ATAD2: variants seen among roughly 807,000 people sequenced by gnomAD.
The protein encoded by ATAD2 is ATPase family AAA domain containing 2, also known as ATPase family AAA domain-containing protein 2.
ATAD2 carries 62 observed loss-of-function variants against 168.9 expected under a neutral mutation model. The observed-to-expected ratio is 0.37, with a 90% CI of 0.30 to 0.45. ATAD2 has a LOEUF of 0.45. ATAD2 is among the 20% of genes least tolerant of loss of function. The probability of loss-of-function intolerance (pLI) is 1.00; values close to 1 mark genes in which losing one functional copy is unlikely to be tolerated. For synonymous variants in ATAD2, 613 were observed against 571.6 expected (o/e 1.07, Z -1.03); for missense variants, 1,419 against 1,667.8 (o/e 0.85, Z 2.60).
chr8:123,381,870 A>G (rs1829503236), intron 1 of ATAD2, among the ~76,000 whole-genome samples: 1 of 152,164 alleles, frequency 6.6e-6, no homozygotes, highest in African/African-American at 2.4e-5. Context: ...AACATTGTGA[A>G]ACCCCGTCTC....
At chr8:123,335,297 T>C (rs1362393915) in intron 22 of ATAD2, among the ~76,000 whole-genome samples, 2 of 152,216 alleles carry the variant, frequency 1.3e-5, no homozygotes, top group African/African-American at 2.4e-5. Context: ...TGTTCTCATC[T>C]TGTTAGTCTG....
chr8:123,350,341 T>C (rs1474713847), intron 13 of ATAD2, among the ~76,000 whole-genome samples: 1 of 152,222 alleles, frequency 6.6e-6, no homozygotes, highest in Non-Finnish European at 1.5e-5. Flanking sequence ...TGTAAGTACT[T>C]CATGTATGGA....
chr8:123,355,566 T>C (rs1828615343), intron 13 of ATAD2, among the ~76,000 whole-genome samples: 1 of 152,188 alleles, frequency 6.6e-6, no homozygotes, highest in African/African-American at 2.4e-5. Flanking sequence ...AGTATTAGAA[T>C]CCTAAACTAG....
In ATAD2 at chr8:123,328,457, C is replaced by T; in HGVS notation, c.3601G>A (p.Asp1201Asn). The change falls in exon 25 of 28, where the codon GAT becomes AAT. Residue 1201 changes from aspartate (D) to asparagine (N), a missense_variant. Physicochemically the swap from Asp to Asn is conservative, Grantham distance 23 (BLOSUM62 1). Around this residue, in one of 5 missense-constraint regions of ATAD2, gnomAD observed 303 missense variants for 304.3 expected, o/e 1.00. Coordinates refer to ENST00000287394, the MANE Select transcript of ATAD2 (RefSeq NM_014109.4). ...CTTGTGTCTTGAGTTTCCTCTGTAT[C>T]ACTCTCAATTTTGTGATCTATGGCA... ...QNAIDHKIES[D>N]TEETQDTSVD... The T allele has an allele frequency of 6.2e-7, 1 of 1,609,684 alleles. No individual in the cohort carries two copies.
upstream of ATAD2, among the ~76,000 whole-genome samples, chr8:123,397,115 C>T (rs1171484268): frequency 2.0e-5 from 3 of 151,894 alleles, no homozygotes; most frequent in Non-Finnish European, 4.4e-5. Context: ...TTATTCACCT[C>T]CCTGCATTCT....
intron 19 of ATAD2, among the ~76,000 whole-genome samples, chr8:123,342,958 C>T (rs1444083178): frequency 3.3e-5 from 5 of 151,952 alleles, no homozygotes; most frequent in African/African-American, 4.8e-5. Context: ...ACGTTTTCCA[C>T]GTCTTTCCTC....
At chr8:123,336,609 A>G in intron 21 of ATAD2, 77 bp from the exon 22 acceptor site, 1 of 1,089,374 alleles carries the variant, frequency 9.2e-7, no homozygotes, top group African/African-American at 1.6e-5. Context: ...ATGCCAGGCA[A>G]TATAGGAGAT....
At position 123,337,832 on chromosome 8, in the gene ATAD2, A is replaced by G. The variant is rs376052419; in HGVS notation, c.2855-11T>C. ...CCAAAGCCTGCAAAACTTCACATGA[A>G]TGGAAGAATTTAGTTACTGCTCCTC... On this transcript the variant is annotated splice_polypyrimidine_tract_variant and intron_variant, in intron 20 of 27. Coordinates refer to ENST00000287394, the MANE Select transcript of ATAD2 (RefSeq NM_014109.4). 1.9e-6 allele frequency: 3 copies of G among 1,576,966 alleles called. No homozygotes were observed. The highest frequency in any genetic ancestry group is 1.4e-5 in the African/African-American group (1 of 73,096).
intron 1 of ATAD2, among the ~76,000 whole-genome samples, chr8:123,403,946 A>T (rs1813038489): frequency 6.6e-6 from 1 of 152,084 alleles, no homozygotes; most frequent in Non-Finnish European, 1.5e-5. Context: ...AGGGGAGGCT[A>T]TTTTAGCTGG....
chr8:123,415,719 C>G (rs111514545), intron 1 of ATAD2, among the ~76,000 whole-genome samples: 1 of 152,252 alleles, frequency 6.6e-6, no homozygotes, highest in Non-Finnish European at 1.5e-5. Flanking sequence ...CTCAGCCTCC[C>G]GAGTATCTGG....
At chr8:123,371,638 A>G (rs765255826) in intron 4 of ATAD2, 32 bp downstream of exon 4, 2 of 1,565,240 alleles carry the variant, frequency 1.3e-6, no homozygotes, top group South Asian at 1.2e-5. Context: ...TCTGACAGAT[A>G]AATCATCTTG....
intron 18 of ATAD2, among the ~76,000 whole-genome samples, chr8:123,345,865 G>A (rs956659895): frequency 2.0e-5 from 3 of 152,160 alleles, no homozygotes; most frequent in African/African-American, 7.2e-5. Flanking sequence ...GGGAAAATTA[G>A]AGAGATCTAA....
rs752452696 is a variant in ATAD2 at position 123,371,226 on chromosome 8, A to G, written c.639+10T>C. The G allele has an allele frequency of 1.3e-6, 2 of 1,580,644 alleles. No individual in the cohort carries two copies. The highest frequency in any genetic ancestry group is 2.3e-5 in the South Asian group (2 of 85,912). On this transcript the variant is annotated intron_variant, in intron 5 of 27. Transcript: ENST00000287394. Reference sequence around the variant, plus strand: ...ATTAAATCATTCCCTTAATGGAAGAATATATTTACTTCTTCTGTTTCATTA... The same window carrying G: ...ATTAAATCATTCCCTTAATGGAAGAGTATATTTACTTCTTCTGTTTCATTA...
intron 13 of ATAD2, among the ~76,000 whole-genome samples, chr8:123,351,392 T>G (rs1419977448): frequency 6.6e-6 from 1 of 152,176 alleles, no homozygotes; most frequent in African/African-American, 2.4e-5. Context: ...AAATGCTAAG[T>G]AGCTGCCCCC....
upstream of ATAD2, among the ~76,000 whole-genome samples, chr8:123,398,226 CTTTTTTT>C (rs1188897965): frequency 5.9e-5 from 6 of 101,806 alleles, no homozygotes; most frequent in East Asian, 2.6e-4. Flanking sequence ...GGTTCTTGTT[CTTTTTTT>C]TTTTTTTTTT....
At chr8:123,348,125 TTG>T in intron 15 of ATAD2, 56 bp downstream of exon 15, 2 of 1,363,588 alleles carry the variant, frequency 1.5e-6, no homozygotes, top group Non-Finnish European at 2.0e-6. Context: ...CTAATATAAC[TTG>T]TTTCATATTT....
chr8:123,386,025 A>C (rs1439661243), intron 1 of ATAD2, among the ~76,000 whole-genome samples: 1 of 152,018 alleles, frequency 6.6e-6, no homozygotes, highest in African/African-American at 2.4e-5. Flanking sequence ...ACTCACAAAA[A>C]AAAAAAAAAA....
chr8:123,357,825 A>G, intron 11 of ATAD2, 89 bp from the exon 12 acceptor site: 1 of 1,263,584 alleles, frequency 7.9e-7, no homozygotes, highest in Non-Finnish European at 1.1e-6. Context: ...TGATTCATTT[A>G]ATTAGAAAAT....
chr8:123,377,091 CAAAAAAAA>C (rs58655606), intron 2 of ATAD2, among the ~76,000 whole-genome samples: 4 of 27,258 alleles, frequency 1.5e-4, no homozygotes, highest in African/African-American at 1.7e-4. Context: ...GACTCCGTCT[CAAAAAAAA>C]AAAAAAAAAA....
Sources: gnomAD v4.1 joint callset for allele counts (sites outside exome capture counted in the v4.1 genomes callset) on GRCh38, gnomAD v4.1.1 for gene constraint, gnomAD v4.1.1 regional missense constraint, MANE v1.5 for transcripts, NCBI Gene and HGNC (gene_info 2026-07-23, HGNC 2026-07-21) for gene names.